The following ANKRD36C variants were observed in gnomAD, a reference collection of about 807,000 sequenced individuals.
ANKRD36C encodes the protein ankyrin repeat domain-containing protein 36C.
A neutral mutation model predicts 276.4 loss-of-function variants in ANKRD36C; 61 were observed. The ratio of observed to expected loss-of-function variants is 0.22; its 90% confidence interval spans 0.18 to 0.27. The LOEUF (loss-of-function observed/expected upper bound fraction) is 0.27. ANKRD36C is among the 10% of genes least tolerant of loss of function. ANKRD36C has a pLI of 1.00. For missense variants in ANKRD36C, 1,447 were observed against 2,032.3 expected, an observed-to-expected ratio of 0.71 and a Z score of 5.54; for synonymous variants, 483 against 680.1, an observed-to-expected ratio of 0.71 and a Z score of 4.51.
At position 95,990,738 on chromosome 2, in the gene ANKRD36C, C is replaced by T. The variant is rs1045215757; in HGVS notation, c.197+774G>A. Among the ~76,000 whole-genome samples, 4 of 152,014 alleles carry T rather than the reference C, an allele frequency of 2.6e-5. No individual in the cohort carries two copies. In the South Asian group the frequency reaches 6.2e-4, roughly 24 times the overall value. Reference sequence around the variant, plus strand: ...TCCCTCTAAGGTCCCTCAGTGAAAACCAAATTGACATAGGTGTCCATTGAT... The same window carrying T: ...TCCCTCTAAGGTCCCTCAGTGAAAATCAAATTGACATAGGTGTCCATTGAT... On this transcript the variant is annotated intron_variant, in intron 1 of 66. Transcript: ENST00000456556.
intron 50 of ANKRD36C, 27 bp downstream of exon 70, chr2:95,887,898 G>A (rs757266171): frequency 6.4e-7 from 1 of 1,561,626 alleles, no homozygotes; most frequent in African/African-American, 1.4e-5. Context: ...GACTGAACAT[G>A]ACATTAAATG....
At chr2:95,910,305 T>C in intron 42 of ANKRD36C, 68 bp downstream of exon 46, 1 of 1,459,640 alleles carries the variant, frequency 6.9e-7, no homozygotes, top group Non-Finnish European at 9.2e-7. Flanking sequence ...ACCCGCTGCT[T>C]TATTTGGAGA....
rs1291538531 is a variant in ANKRD36C at position 95,925,652 on chromosome 2, G to C, written c.1940-105C>G. 6 of 1,222,570 alleles carry C rather than the reference G, an allele frequency of 4.9e-6. No individual in the cohort carries two copies. The African/African-American group carries it at 7.7e-5, about 16-fold the overall frequency. 75.7% of individuals were successfully genotyped at this position (1,222,570 alleles called of 1,614,324 possible). On this transcript the variant is annotated intron_variant, in intron 28 of 66. Transcript: ENST00000456556. The stretch of plus-strand genomic sequence containing the variant: ...AAGCTGTATCCTCCCACCTGCACTA[G>C]TGTAGGATTTGATGTTTTACAGTTT...
At chr2:95,857,079 A>T (rs1279243266) in intron 62 of ANKRD36C, among the ~76,000 whole-genome samples, 6 of 152,170 alleles carry the variant, frequency 3.9e-5, no homozygotes, top group Admixed American at 3.9e-4. Context: ...TAACAATATC[A>T]TTAAGTATAT....
chr2:95,897,605 G>C, intron 44 of ANKRD36C, 140 bp from the exon 59 acceptor site: 2 of 679,208 alleles, frequency 2.9e-6, no homozygotes, highest in Non-Finnish European at 5.0e-6. Flanking sequence ...TGTGTCTGGG[G>C]ACTAGAACAT....
intron 20 of ANKRD36C, among the ~76,000 whole-genome samples, chr2:95,940,867 C>G (rs1677863957): frequency 6.8e-6 from 1 of 147,148 alleles, no homozygotes; most frequent in African/African-American, 2.5e-5. Flanking sequence ...TAAGTGTTCA[C>G]CAAAGTTTTA....
intron 10 of ANKRD36C, among the ~76,000 whole-genome samples, chr2:95,959,261 CT>C (rs1678401687): frequency 6.6e-6 from 1 of 151,910 alleles, no homozygotes; most frequent in Non-Finnish European, 1.5e-5. Context: ...GACAATGGCA[CT>C]TTAGTTGAAT....
At chr2:95,888,856 A>G (rs1252902687) in intron 48 of ANKRD36C, among the ~76,000 whole-genome samples, 4 of 151,696 alleles carry the variant, frequency 2.6e-5, no homozygotes, top group African/African-American at 9.7e-5. Context: ...TAAAACTGCT[A>G]CAAGCATTAG....
chr2:95,878,161 G>C (rs1457832404), intron 58 of ANKRD36C, among the ~76,000 whole-genome samples: 1 of 147,566 alleles, frequency 6.8e-6, no homozygotes, highest in African/African-American at 2.5e-5. Flanking sequence ...TCCAGGCTGG[G>C]AGACAGAGCA....
chr2:95,928,111 T>A (rs1284207156), intron 26 of ANKRD36C, among the ~76,000 whole-genome samples: 1 of 151,668 alleles, frequency 6.6e-6, no homozygotes, highest in African/African-American at 2.4e-5. Context: ...GTTAACATAC[T>A]TCTACAAAGT....
At chr2:95,975,708 C>T (rs1428098719) in intron 6 of ANKRD36C, among the ~76,000 whole-genome samples, 3 of 152,228 alleles carry the variant, frequency 2.0e-5, no homozygotes, top group East Asian at 1.9e-4. Context: ...ATTCAGGACA[C>T]AGGCATGGGC....
At chr2:95,870,785 G>A (rs887397207) in intron 59 of ANKRD36C, among the ~76,000 whole-genome samples, 1 of 152,134 alleles carries the variant, frequency 6.6e-6, no homozygotes, top group African/African-American at 2.4e-5. Context: ...TTAGACGAAT[G>A]TATACCTAGA....
intron 3 of ANKRD36C, among the ~76,000 whole-genome samples, chr2:95,985,141 A>G (rs1679003584): frequency 1.3e-5 from 2 of 152,236 alleles, no homozygotes; most frequent in Admixed American, 1.3e-4. Flanking sequence ...AAGAGTCCAC[A>G]ATAGCAAATT....
intron 3 of ANKRD36C, among the ~76,000 whole-genome samples, chr2:95,983,421 AATTT>A (rs1188903414): frequency 6.6e-6 from 1 of 151,340 alleles, no homozygotes; most frequent in Non-Finnish European, 1.5e-5. Context: ...CTCCTTTAAA[AATTT>A]ATTTATATTC....
exon 51 of ANKRD36C, chr2:95,886,226 AGTT>A (rs1676200058): frequency 9.1e-7 from 1 of 1,100,496 alleles, no homozygotes; most frequent in Non-Finnish European, 1.3e-6. Flanking sequence ...CTTCCAGGCC[AGTT>A]GTTTCTGAGA....
Position 95,887,996 on chromosome 2 carries a change from G to A in ANKRD36C, c.2990C>T (p.Ala997Val), listed in dbSNP as rs1418243772. Reference sequence around the variant, plus strand: ...AACAGAATCTTTCTTGTCACTTGTAGCCTGAATGGAATTTGAAACAAAATA... The same window carrying A: ...AACAGAATCTTTCTTGTCACTTGTAACCTGAATGGAATTTGAAACAAAATA... The change falls in exon 50 of 67, where the codon GCT becomes GTT. Residue 997 changes from alanine to valine, a missense_variant and splice_region_variant. By Grantham distance (64) the Ala-to-Val change is moderately conservative. Transcript: ENST00000456556. The A allele has an allele frequency of 9.6e-5, 154 of 1,599,686 alleles. 1 individual carries two copies. Among genetic ancestry groups the A allele is most frequent in the Non-Finnish European group, 1.3e-4 (153 of 1,173,362 alleles).
chr2:95,928,981 C>T (rs1404657006), intron 26 of ANKRD36C, 91 bp downstream of exon 26: 4 of 1,574,776 alleles, frequency 2.5e-6, no homozygotes, highest in Non-Finnish European at 3.4e-6. Flanking sequence ...GAACATGCAG[C>T]TTAGACGAAC....
intron 44 of ANKRD36C, among the ~76,000 whole-genome samples, chr2:95,893,245 G>C (rs1377300139): frequency 6.6e-6 from 1 of 151,144 alleles, no homozygotes; most frequent in South Asian, 2.1e-4. Flanking sequence ...AAACAAGCTG[G>C]AGAATTAAAG....
chr2:95,978,942 T>C (rs1678864469), intron 5 of ANKRD36C, among the ~76,000 whole-genome samples: 1 of 152,072 alleles, frequency 6.6e-6, no homozygotes, highest in African/African-American at 2.4e-5. Flanking sequence ...ACTACTTCTC[T>C]ACAGACTCTA....
Sources: gnomAD v4.1 joint callset for allele counts (sites outside exome capture counted in the v4.1 genomes callset) on GRCh38, gnomAD v4.1.1 for gene constraint, MANE v1.5 for transcripts, NCBI Gene and HGNC (gene_info 2026-07-23, HGNC 2026-07-21) for gene names.